NCAM2: variants seen among roughly 807,000 people sequenced by gnomAD.
NCAM2 encodes the protein neural cell adhesion molecule 2.
A neutral mutation model predicts 98.1 loss-of-function variants in NCAM2; 30 were observed. The observed-to-expected ratio is 0.31, with a 90% confidence interval of 0.23 to 0.41. The LOEUF is 0.41. Among genes scored for constraint, NCAM2 ranks in the 10% least tolerant of loss-of-function variants. NCAM2 has a pLI of 1.00. For missense variants in NCAM2, 867 were observed against 1,005.8 expected, an observed-to-expected ratio of 0.86 and a Z score of 1.87; for synonymous variants, 368 against 342.4, an observed-to-expected ratio of 1.07 and a Z score of -0.83.
intron 1 of NCAM2, among the ~76,000 whole-genome samples, chr21:21,031,850 G>A (rs1437561819): frequency 6.6e-6 from 1 of 151,664 alleles, no homozygotes; most frequent in Non-Finnish European, 1.5e-5. Flanking sequence ...GTGTGCTTGT[G>A]CAATGTCTTT....
intron 1 of NCAM2, among the ~76,000 whole-genome samples, chr21:21,263,387 T>A (rs191709206): frequency 6.6e-6 from 1 of 152,144 alleles, no homozygotes; most frequent in East Asian, 1.9e-4. Context: ...TAGAAAAACA[T>A]CCCATGCTAA....
chr21:21,307,180 T>TA (rs2073908519), intron 5 of NCAM2, among the ~76,000 whole-genome samples: 1 of 152,154 alleles, frequency 6.6e-6, no homozygotes, highest in Admixed American at 6.6e-5. Flanking sequence ...TATTGTCTGA[T>TA]ATCTGTTCAT....
intron 1 of NCAM2, among the ~76,000 whole-genome samples, chr21:21,114,656 GTAATAAACCAC>G (rs951112578): frequency 6.6e-6 from 1 of 152,138 alleles, no homozygotes; most frequent in Admixed American, 6.5e-5. Context: ...AACAGCTGTT[GTAATAAACCAC>G]TGATCAGTAT....
intron 1 of NCAM2, among the ~76,000 whole-genome samples, chr21:21,089,820 T>G (rs770588676): frequency 2.6e-5 from 4 of 152,206 alleles, no homozygotes; most frequent in Non-Finnish European, 5.9e-5. Context: ...TTATTTCTTC[T>G]GAGTTTATAC....
At chr21:21,140,494 G>A (rs562104004) in intron 1 of NCAM2, among the ~76,000 whole-genome samples, 6 of 152,114 alleles carry the variant, frequency 3.9e-5, no homozygotes, top group African/African-American at 7.2e-5. Context: ...TCATCCTACC[G>A]ATGCTAACAA....
At chr21:21,379,434 C>T (rs922786904) in intron 9 of NCAM2, among the ~76,000 whole-genome samples, 1 of 151,944 alleles carries the variant, frequency 6.6e-6, no homozygotes, top group Non-Finnish European at 1.5e-5. Context: ...TTTAACGGAA[C>T]CCCCCAATAT....
At chr21:21,360,597 C>T (rs143741235) in intron 8 of NCAM2, among the ~76,000 whole-genome samples, 10 of 151,872 alleles carry the variant, frequency 6.6e-5, no homozygotes, top group African/African-American at 9.7e-5. Flanking sequence ...TGGTTCATAG[C>T]GCTTACCTTG....
intron 16 of NCAM2, among the ~76,000 whole-genome samples, chr21:21,528,201 A>G (rs1307439741): frequency 2.0e-5 from 3 of 152,218 alleles, no homozygotes; most frequent in Admixed American, 6.5e-5. Context: ...GAAAGAAGGG[A>G]GGAATAAGTA....
chr21:21,277,276 T>G (rs745308965), intron 1 of NCAM2, among the ~76,000 whole-genome samples: 4 of 152,060 alleles, frequency 2.6e-5, no homozygotes, highest in Admixed American at 6.6e-5. Flanking sequence ...AGAAATAAAG[T>G]TTGATGAATG....
chr21:21,377,764 A>G (rs2076065357), intron 9 of NCAM2, among the ~76,000 whole-genome samples: 1 of 151,922 alleles, frequency 6.6e-6, no homozygotes, highest in Non-Finnish European at 1.5e-5. Context: ...CAGCTATGCA[A>G]TAACTCTCAA....
chr21:21,267,624 G>T (rs1052883013), intron 1 of NCAM2, among the ~76,000 whole-genome samples: 1 of 152,088 alleles, frequency 6.6e-6, no homozygotes, highest in African/African-American at 2.4e-5. Flanking sequence ...TCTCCACTCA[G>T]AGGTGTACAA....
chr21:21,260,079 A>G (rs1177704077), intron 1 of NCAM2, among the ~76,000 whole-genome samples: 8 of 151,732 alleles, frequency 5.3e-5, no homozygotes, highest in Non-Finnish European at 1.2e-4. Context: ...GCAATAGAAT[A>G]GATCAAGCAG....
At chr21:21,236,175 A>G (rs2070812824) in intron 1 of NCAM2, among the ~76,000 whole-genome samples, 1 of 151,946 alleles carries the variant, frequency 6.6e-6, no homozygotes, top group Non-Finnish European at 1.5e-5. Flanking sequence ...ATAAATAAAT[A>G]AATAAAGCGC....
chr21:21,533,166 C>CTTTTTTTTTTTTTTTTTTT (rs201532023), intron 16 of NCAM2, among the ~76,000 whole-genome samples: 12 of 93,798 alleles, frequency 1.3e-4, no homozygotes, highest in African/African-American at 1.7e-4. Flanking sequence ...TGTTTGCTTG[C>CTTTTTTTTTTTTTTTTTTT]TTTTTTTTTT....
At chr21:21,521,203 C>T (rs1330082991) in intron 16 of NCAM2, among the ~76,000 whole-genome samples, 1 of 152,154 alleles carries the variant, frequency 6.6e-6, no homozygotes, top group Non-Finnish European at 1.5e-5. Context: ...CCCACCAAGG[C>T]TGTGGGAGGA....
At chr21:21,343,799 G>A (rs1375691767) in intron 8 of NCAM2, among the ~76,000 whole-genome samples, 2 of 152,100 alleles carry the variant, frequency 1.3e-5, no homozygotes, top group Non-Finnish European at 2.9e-5. Flanking sequence ...AAAAACTTAT[G>A]AAACTCTAGG....
chr21:21,037,185 C>T (rs570089595), intron 1 of NCAM2, among the ~76,000 whole-genome samples: 4 of 152,282 alleles, frequency 2.6e-5, no homozygotes, highest in South Asian at 2.1e-4. Context: ...TGCGCCACCA[C>T]GCCTGGCTAT....
At position 21,286,383 on chromosome 21, in the gene NCAM2, A is replaced by G. The variant is rs774494067; in HGVS notation, c.452A>G (p.His151Arg). Residue 151 changes from histidine (H) to arginine (R), a missense_variant, in exon 4 of 18, where the codon CAT becomes CGT. His to Arg is a conservative substitution (Grantham distance 29). Around this residue, in one of 5 missense-constraint regions of NCAM2, gnomAD observed 447 missense variants for 495.7 expected, o/e 0.90. Coordinates refer to ENST00000400546, the MANE Select transcript of NCAM2 (RefSeq NM_004540.5). Reference sequence around the variant, plus strand: ...GCACCTGCTGTCAGCTGGTTGTATCATAATGAGGAAGTCACCACTATTTCC... The same window carrying G: ...GCACCTGCTGTCAGCTGGTTGTATCGTAATGAGGAAGTCACCACTATTTCC... ...SPAPAVSWLY[H>R]NEEVTTISDN... 1.2e-5 allele frequency: 19 copies of G among 1,612,246 alleles called. No individual in the cohort carries two copies. The highest frequency in any genetic ancestry group is 1.6e-5 in the Non-Finnish European group (19 of 1,178,902).
chr21:21,169,984 G>A (rs1441243811), intron 1 of NCAM2, among the ~76,000 whole-genome samples: 2 of 151,842 alleles, frequency 1.3e-5, no homozygotes, highest in African/African-American at 4.8e-5. Flanking sequence ...TATACAGACA[G>A]CAAATAAGCA....
Sources: allele counts gnomAD v4.1 joint callset (sites outside exome capture counted in the v4.1 genomes callset), GRCh38; gene constraint gnomAD v4.1.1; regional missense constraint gnomAD v4.1.1; transcripts MANE v1.5; gene names NCBI Gene and HGNC (gene_info 2026-07-23, HGNC 2026-07-21).